Variants in NME9 observed in about 807,000 individuals in gnomAD.
NME9 encodes NME/NM23 family member 9, also known as thioredoxin domain-containing protein 6.
NME9 carries 48 observed loss-of-function variants against 44.4 expected under a neutral mutation model. The observed-to-expected ratio is 1.08, with a 90% CI of 0.86 to 1.37. The LOEUF (loss-of-function observed/expected upper bound fraction) is 1.37. Among genes scored for constraint, NME9 ranks in the 40% most tolerant of loss-of-function variants. The pLI is 0.00. For missense variants in NME9, 325 were observed against 405.2 expected (o/e 0.80, Z 1.70); for synonymous variants, 139 against 147.1 (o/e 0.94, Z 0.40).
chr3:138,306,417 G>A lies in NME9; in HGVS notation c.524C>T (p.Thr175Ile). 1 of 1,612,242 alleles carries A rather than the reference G, an allele frequency of 6.2e-7. No homozygotes were observed. The highest frequency in any genetic ancestry group is 1.7e-5 in the Admixed American group (1 of 60,018). Residue 175 changes from threonine (T) to isoleucine (I), a missense_variant, in exon 7 of 11, where the codon ACT becomes ATT. Thr to Ile is a moderately conservative substitution (Grantham distance 89). Coordinates refer to ENST00000333911, the MANE Select transcript of NME9 (RefSeq NM_001349018.2). Reference sequence around the variant, plus strand: ...TCTTACCTTCATGATAATCTCATCAGTCTTTCCATGGGCCACTGCATCTGG... The same window carrying A: ...TCTTACCTTCATGATAATCTCATCAATCTTTCCATGGGCCACTGCATCTGG... Reference protein sequence around the residue: ...IKPDAVAHGKTDEIIMKIQEA... With the variant: ...IKPDAVAHGKIDEIIMKIQEA...
At chr3:138,301,731 ACTC>A in intron 10 of NME9, 27 bp from the exon 11 acceptor site, 6 of 1,513,820 alleles carry the variant, frequency 4.0e-6, no homozygotes, top group Non-Finnish European at 5.3e-6. Context: ...GTTTGGTAGG[ACTC>A]CTGAAACAGC....
intron 7 of NME9, 130 bp downstream of exon 7, chr3:138,306,268 G>A (rs1270975991): frequency 2.3e-6 from 2 of 866,108 alleles, no homozygotes; most frequent in Non-Finnish European, 3.8e-6. Context: ...TTACTTGAAT[G>A]GAACTTGAGC....
intron 4 of NME9, among the ~76,000 whole-genome samples, chr3:138,315,915 T>A (rs1192095259): frequency 6.6e-6 from 1 of 152,110 alleles, no homozygotes; most frequent in Non-Finnish European, 1.5e-5. Context: ...CACTACAAGC[T>A]CCACCTCCCA....
At chr3:138,276,008 T>C (rs1250175147) in intron 8 of NME9, among the ~76,000 whole-genome samples, 1 of 152,152 alleles carries the variant, frequency 6.6e-6, no homozygotes, top group Non-Finnish European at 1.5e-5. Context: ...TAGGAATGAA[T>C]TTTGTCTATA....
At chr3:138,263,645 A>C in intron 8 of NME9, 1 of 1,139,716 alleles carries the variant, frequency 8.8e-7, no homozygotes, top group Admixed American at 1.7e-5. Flanking sequence ...AACAACGTTA[A>C]ACTTTTAATG....
At chr3:138,312,435 C>A (rs973011568) in intron 6 of NME9, among the ~76,000 whole-genome samples, 5 of 151,904 alleles carry the variant, frequency 3.3e-5, no homozygotes, top group Non-Finnish European at 1.5e-5. Flanking sequence ...AATAGCGAAC[C>A]CAGATGTAAA....
At chr3:138,270,421 A>G (rs1322374992) in intron 8 of NME9, among the ~76,000 whole-genome samples, 1 of 152,222 alleles carries the variant, frequency 6.6e-6, no homozygotes, top group African/African-American at 2.4e-5. Context: ...TGAACATATT[A>G]TATTTTTGTG....
chr3:138,270,652 A>T (rs2048704376), intron 8 of NME9, among the ~76,000 whole-genome samples: 2 of 152,210 alleles, frequency 1.3e-5, no homozygotes, highest in South Asian at 4.1e-4. Context: ...ATTTGAGCTA[A>T]TTAATTAACA....
At chr3:138,267,125 CATT>C (rs2048358520) in intron 8 of NME9, 1 of 1,147,960 alleles carries the variant, frequency 8.7e-7, no homozygotes, top group Non-Finnish European at 1.3e-6. Flanking sequence ...CATTCCAAAT[CATT>C]AGTAGTATCC....
chr3:138,292,563 G>A (rs767139764), intron 8 of NME9, among the ~76,000 whole-genome samples: 1 of 152,192 alleles, frequency 6.6e-6, no homozygotes, highest in Non-Finnish European at 1.5e-5. Context: ...ATGTTAAAGA[G>A]AGGAAAGGAA....
intron 8 of NME9, among the ~76,000 whole-genome samples, chr3:138,264,367 C>T (rs1469369264): frequency 2.0e-5 from 3 of 147,292 alleles, no homozygotes; most frequent in South Asian, 2.2e-4. Flanking sequence ...TAAGCATCTA[C>T]AAATGCTTCA....
At chr3:138,274,898 G>T (rs543103132) in intron 8 of NME9, among the ~76,000 whole-genome samples, 1 of 152,136 alleles carries the variant, frequency 6.6e-6, no homozygotes, top group South Asian at 2.1e-4. Context: ...CCTCTCCGCC[G>T]CCATGCTCTC....
At chr3:138,267,984 T>G (rs2048433083) in intron 8 of NME9, among the ~76,000 whole-genome samples, 1 of 152,096 alleles carries the variant, frequency 6.6e-6, no homozygotes, top group African/African-American at 2.4e-5. Context: ...GGTTCATGCG[T>G]GTAAACCCAG....
intron 8 of NME9, among the ~76,000 whole-genome samples, chr3:138,268,433 C>T (rs2048478991): frequency 6.6e-6 from 1 of 152,164 alleles, no homozygotes; most frequent in African/African-American, 2.4e-5. Context: ...CCAGTCACAG[C>T]TGGTGTACCA....
chr3:138,271,556 A>G (rs752896669), intron 8 of NME9, among the ~76,000 whole-genome samples: 11 of 152,180 alleles, frequency 7.2e-5, no homozygotes, highest in Non-Finnish European at 1.0e-4. Context: ...TGTACAAACT[A>G]TCTTATTCTC....
At chr3:138,264,412 C>CTTTTTTTT (rs11298899) in intron 8 of NME9, among the ~76,000 whole-genome samples, 15 of 48,640 alleles carry the variant, frequency 3.1e-4, no homozygotes, top group Admixed American at 1.3e-3. Flanking sequence ...GATTTTCTTT[C>CTTTTTTTT]TTTTTTTTTT....
At position 138,265,892 on chromosome 3, in the gene NME9, C is replaced by T. The variant is rs112383568; in HGVS notation, c.746-3306G>A. On this transcript the variant is annotated intron_variant, in intron 8 of 8. Transcript: ENST00000317876. ...TATGTGTTGAGGTCCTGGAATAAAG[C>T]AGTAGGAGTGGCTTAGGAAAGACCA... is the stretch of plus-strand genomic sequence containing the variant. Among the ~76,000 whole-genome samples the T allele has an allele frequency of 9.2e-3, 1,405 of 152,176 alleles. 13 individuals are homozygous for T. The highest frequency in any genetic ancestry group is 0.032 in the African/African-American group (1,339 of 41,518).
chr3:138,316,296 T>G (rs1303801635), intron 4 of NME9, among the ~76,000 whole-genome samples: 1 of 152,198 alleles, frequency 6.6e-6, no homozygotes, highest in Non-Finnish European at 1.5e-5. Context: ...GATTTATTCA[T>G]TCAACAAATA....
chr3:138,262,554 T>C (rs2047850114), exon 9 of NME9: 2 of 1,612,212 alleles, frequency 1.2e-6, no homozygotes, highest in African/African-American at 1.3e-5. Context: ...TCTAGGTCAG[T>C]GATCTTCAAC....
Sources: allele counts gnomAD v4.1 joint callset (sites outside exome capture counted in the v4.1 genomes callset), GRCh38; gene constraint gnomAD v4.1.1; transcripts MANE v1.5; gene names NCBI Gene and HGNC (gene_info 2026-07-23, HGNC 2026-07-21).